Variants in DRC9 observed in about 807,000 individuals in gnomAD.
DRC9 encodes the protein dynein regulatory complex subunit 9, also known as dynein regulatory complex protein 9.
the DRC9 span, among the ~76,000 whole-genome samples, chr3:197,921,567 G>A: frequency 6.6e-6 from 1 of 151,950 alleles, no homozygotes; most frequent in Non-Finnish European, 1.5e-5. Context: ...CGTCTTGGTC[G>A]ACCCGACTAC....
chr3:197,950,989 T>C, the DRC9 span: 44 of 1,613,236 alleles, frequency 2.7e-5, no homozygotes, highest in Non-Finnish European at 3.2e-5. Context: ...GTACGCGTTT[T>C]AAATATAGTT....
At chr3:197,893,004 A>G in the DRC9 span, among the ~76,000 whole-genome samples, 3 of 152,168 alleles carry the variant, frequency 2.0e-5, no homozygotes, top group East Asian at 5.8e-4. Flanking sequence ...ATGTGTATAC[A>G]TAACTGTTCA....
At chr3:197,944,103 C>A in the DRC9 span, 2 of 1,537,210 alleles carry the variant, frequency 1.3e-6, no homozygotes, top group Non-Finnish European at 8.8e-7. Context: ...TTAAACATTA[C>A]TTTAACTCAA....
chr3:197,932,340 A>G, the DRC9 span: 2 of 1,584,434 alleles, frequency 1.3e-6, no homozygotes, highest in Non-Finnish European at 1.7e-6. Flanking sequence ...ATGAGTTAAT[A>G]AATTCTATTT....
the DRC9 span, chr3:197,953,838 G>GT: frequency 1.4e-6 from 1 of 702,572 alleles, no homozygotes; most frequent in East Asian, 2.7e-5. Context: ...GCATACAATA[G>GT]TTACTCGATA....
the DRC9 span, chr3:197,951,380 G>A: frequency 3.3e-6 from 5 of 1,532,364 alleles, no homozygotes; most frequent in Non-Finnish European, 2.7e-6. Flanking sequence ...ATATAACGGA[G>A]TCTTGCTCTG....
the DRC9 span, among the ~76,000 whole-genome samples, chr3:197,922,516 G>A: frequency 8.5e-5 from 13 of 152,136 alleles, no homozygotes; most frequent in South Asian, 2.1e-4. Flanking sequence ...GACCAGCCTG[G>A]CCAATATGGT....
the DRC9 span, among the ~76,000 whole-genome samples, chr3:197,923,898 C>T: frequency 6.6e-6 from 1 of 152,016 alleles, no homozygotes; most frequent in East Asian, 1.9e-4. Context: ...AAGACCCCAC[C>T]TCTACGAACA....
At chr3:197,951,479 A>G in the DRC9 span, 1 of 702,640 alleles carries the variant, frequency 1.4e-6, no homozygotes, top group Non-Finnish European at 2.4e-6. Flanking sequence ...CAGCCTCCCG[A>G]GTAGCTGGGA....
At chr3:197,936,747 T>C in the DRC9 span, among the ~76,000 whole-genome samples, 1 of 152,222 alleles carries the variant, frequency 6.6e-6, no homozygotes, top group Admixed American at 6.5e-5. Flanking sequence ...GAATATACCC[T>C]GGGTTTCAGA....
chr3:197,917,441 C>A, the DRC9 span, among the ~76,000 whole-genome samples: 1 of 152,192 alleles, frequency 6.6e-6, no homozygotes, highest in African/African-American at 2.4e-5. Context: ...CGGAATCATT[C>A]CTAAGAGACG....
At chr3:197,914,103 C>A in the DRC9 span, 2,718 of 1,419,210 alleles carry the variant, frequency 1.9e-3, 33 homozygotes, top group African/African-American at 0.031. Context: ...TCAGTTCAGT[C>A]AGCGGCTTAC....
the DRC9 span, chr3:197,912,760 A>T: frequency 2.5e-6 from 4 of 1,607,968 alleles, no homozygotes; most frequent in South Asian, 4.4e-5. Context: ...CTGTAAGAAC[A>T]ATCAGATACC....
chr3:197,945,494 T>C, the DRC9 span: 3 of 660,626 alleles, frequency 4.5e-6, no homozygotes, highest in African/African-American at 5.5e-5. Flanking sequence ...AATAAATGTT[T>C]ATATTTTAAG....
the DRC9 span, among the ~76,000 whole-genome samples, chr3:197,951,843 G>GT: frequency 1.2e-4 from 18 of 151,638 alleles, no homozygotes; most frequent in Non-Finnish European, 2.5e-4. Context: ...GCTTACAGGG[G>GT]TGTGCCACCA....
At chr3:197,935,680 G>A in the DRC9 span, among the ~76,000 whole-genome samples, 478 of 151,724 alleles carry the variant, frequency 3.2e-3, 3 homozygotes, top group South Asian at 0.02. Context: ...ATGAGGTCTC[G>A]CTATGTTGCC....
the DRC9 span, chr3:197,913,325 TGTGCGTGC>T: frequency 1.3e-4 from 25 of 191,010 alleles, no homozygotes; most frequent in East Asian, 6.4e-4. Context: ...GCTTTGCGTG[TGTGCGTGC>T]GTGCGTGCGT....
the DRC9 span, among the ~76,000 whole-genome samples, chr3:197,895,524 C>A: frequency 6.6e-6 from 1 of 152,112 alleles, no homozygotes; most frequent in Non-Finnish European, 1.5e-5. Flanking sequence ...CTTCAGCCTC[C>A]CAAATTGCTG....
chr3:197,892,481 G>T, the DRC9 span: 2 of 928,664 alleles, frequency 2.2e-6, no homozygotes, highest in Non-Finnish European at 3.3e-6. Context: ...AGCTACTGTG[G>T]CCTATTTGCC....
Sources: allele counts gnomAD v4.1 joint callset (sites outside exome capture counted in the v4.1 genomes callset), GRCh38; gene constraint gnomAD v4.1.1; transcripts MANE v1.5; gene names NCBI Gene and HGNC (gene_info 2026-07-23, HGNC 2026-07-21).